KRT18: variants seen among roughly 807,000 people sequenced by gnomAD.
KRT18 encodes the protein keratin 18, also known as keratin, type I cytoskeletal 18.
In KRT18, 8 loss-of-function variants were observed where a neutral mutation model predicts 39.9. The ratio of observed to expected loss-of-function variants is 0.20; its 90% confidence interval spans 0.12 to 0.36. The LOEUF (loss-of-function observed/expected upper bound fraction) is 0.36, where lower values mean the gene tolerates loss of function less well. Ranked by LOEUF, KRT18 falls within the 10% of genes least tolerant of loss-of-function variation. KRT18 has a pLI of 1.00. For synonymous variants in KRT18, 194 were observed against 227.8 expected (o/e 0.85, Z 1.33); for missense variants, 396 against 565.7 (o/e 0.70, Z 3.04).
At chr12:52,950,186 A>G in intron 1 of KRT18, 142 bp from the exon 2 acceptor site, 2 of 758,768 alleles carry the variant, frequency 2.6e-6, no homozygotes. Flanking sequence ...CTAGATGAAA[A>G]GGGATAGGTG....
At chr12:52,950,675 T>C in intron 2 of KRT18, 75 bp from the exon 3 acceptor site, 1 of 1,491,996 alleles carries the variant, frequency 6.7e-7, no homozygotes, top group Non-Finnish European at 9.2e-7. Context: ...ACAGAACTTC[T>C]CTTAGTAGGT....
In KRT18 at chr12:52,952,778, C is replaced by A. The variant is rs780366176; in HGVS notation, c.1229C>A (p.Thr410Asn). 6.2e-7 allele frequency: 1 copy of A among 1,611,906 alleles called. No homozygotes were observed. The highest frequency in any genetic ancestry group is 2.2e-5 in the East Asian group (1 of 44,892). ...ATGCAAACCATCCAAAAGACCACCA[C>A]CCGCCGGATAGTGGATGGCAAAGTG... ...NSMQTIQKTT[T>N]RRIVDGKVVS... The change falls in exon 7 of 7, where the codon ACC (threonine) becomes AAC (asparagine). Residue 410 changes from threonine to asparagine, a missense_variant. Coordinates refer to ENST00000388835, the MANE Select transcript of KRT18 (RefSeq NM_000224.3).
chr12:52,951,802 G>A lies in KRT18; in HGVS notation c.894G>A (p.Glu298=). The A allele has an allele frequency of 6.2e-7, 1 of 1,611,372 alleles. No individual in the cohort carries two copies. Among genetic ancestry groups the A allele is most frequent in the East Asian group, 2.2e-5 (1 of 44,870 alleles). The change falls in exon 5 of 7, where the codon GAG becomes GAA. Residue 298 remains glutamate, a synonymous_variant. Transcript: ENST00000388835. ...EVGAAETTLT[E]LRRTVQSLEI... is the part of the protein sequence containing the mutation. ...GAGCTGCTGAGACGACGCTCACAGAGCTGAGACGTACAGTCCAGTCCTTGG... is the reference window on the plus strand; with the variant it reads ...GAGCTGCTGAGACGACGCTCACAGAACTGAGACGTACAGTCCAGTCCTTGG...
chr12:52,950,877 C>A lies in KRT18; in HGVS notation c.628C>A (p.Leu210Met). 2 of 1,591,620 alleles carry A rather than the reference C, an allele frequency of 1.3e-6. No homozygotes were observed. Among genetic ancestry groups the A allele is most frequent in the Non-Finnish European group, 1.7e-6 (2 of 1,169,776 alleles). The change falls in exon 3 of 7, where the codon CTG (leucine) becomes ATG (methionine). Residue 210 changes from leucine to methionine, a missense_variant. Coordinates refer to ENST00000388835, the MANE Select transcript of KRT18 (RefSeq NM_000224.3). ...AGAGATCGAGGCTCTCAAGGAGGAG[C>A]TGCTCTTCATGAAGAAGAACCACGA... ...ETEIEALKEE[L>M]LFMKKNHEEE...
intron 6 of KRT18, 160 bp from the exon 7 acceptor site, chr12:52,952,562 G>A (rs1942510007): frequency 1.2e-6 from 1 of 860,980 alleles, no homozygotes. Context: ...TACTTAGTAT[G>A]CAAATGAAGT....
chr12:52,951,767 G>A lies in KRT18; in HGVS notation c.859G>A (p.Ala287Thr). The change falls in exon 5 of 7, where the codon GCT (alanine) becomes ACT (threonine). Residue 287 changes from alanine (A) to threonine (T), a missense_variant. Physicochemically the swap from Ala to Thr is moderately conservative, Grantham distance 58. Coordinates refer to ENST00000388835, the MANE Select transcript of KRT18 (RefSeq NM_000224.3). ...ESTTVVTTQS[A>T]EVGAAETTLT... Reference sequence around the variant, plus strand: ...CACCACAGTGGTCACCACACAGTCTGCTGAGGTTGGAGCTGCTGAGACGAC... The same window carrying A: ...CACCACAGTGGTCACCACACAGTCTACTGAGGTTGGAGCTGCTGAGACGAC... The A allele has an allele frequency of 6.2e-7, 1 of 1,613,266 alleles. No individual in the cohort carries two copies. The highest frequency in any genetic ancestry group is 8.5e-7 in the Non-Finnish European group (1 of 1,180,010).
chr12:52,951,578 T>A lies in KRT18; in HGVS notation c.755T>A (p.Ile252Asn). 6.2e-7 allele frequency: 1 copy of A among 1,613,956 alleles called. No homozygotes were observed. The highest frequency in any genetic ancestry group is 8.5e-7 in the Non-Finnish European group (1 of 1,180,026). ...GACCTCGCCAAGATCATGGCAGACA[T>A]CCGGGCCCAATATGACGAGCTGGCT... ...SQDLAKIMAD[I>N]RAQYDELARK... The change falls in exon 4 of 7, where the codon ATC becomes AAC. Residue 252 changes from isoleucine to asparagine, a missense_variant. Transcript: ENST00000388835.
At position 52,952,759 on chromosome 12, in the gene KRT18, A is replaced by T; in HGVS notation, c.1210A>T (p.Thr404Ser). 6.2e-7 allele frequency: 1 copy of T among 1,613,164 alleles called. No individual in the cohort carries two copies. Among genetic ancestry groups the T allele is most frequent in the Non-Finnish European group, 8.5e-7 (1 of 1,179,930 alleles). Reference sequence around the variant, plus strand: ...CTTGGACAGCAGCAACTCCATGCAAACCATCCAAAAGACCACCACCCGCCG... The same window carrying T: ...CTTGGACAGCAGCAACTCCATGCAATCCATCCAAAAGACCACCACCCGCCG... ...DALDSSNSMQ[T>S]IQKTTTRRIV... The change falls in exon 7 of 7, where the codon ACC (threonine) becomes TCC (serine). Residue 404 changes from threonine (T) to serine (S), a missense_variant. Physicochemically the swap from Thr to Ser is moderately conservative, Grantham distance 58. Coordinates refer to ENST00000388835, the MANE Select transcript of KRT18 (RefSeq NM_000224.3).
At position 52,951,508 on chromosome 12, in the gene KRT18, G is replaced by C. The variant is rs1278862013; in HGVS notation, c.685G>C (p.Ala229Pro). 2 of 1,614,064 alleles carry C rather than the reference G, an allele frequency of 1.2e-6. No individual in the cohort carries two copies. Among genetic ancestry groups the C allele is most frequent in the Admixed American group, 3.3e-5 (2 of 60,014 alleles). ...EEVKGLQAQI[A>P]SSGLTVEVDA... ...AGTAAAAGGCCTACAAGCCCAGATT[G>C]CCAGCTCTGGGTTGACCGTGGAGGT... The change falls in exon 4 of 7, where the codon GCC (alanine) becomes CCC (proline). Residue 229 changes from alanine to proline, a missense_variant. Physicochemically the swap from Ala to Pro is conservative, Grantham distance 27. Coordinates refer to ENST00000388835, the MANE Select transcript of KRT18 (RefSeq NM_000224.3).
In KRT18 at chr12:52,952,706, T is replaced by C. The variant is rs1246813965; in HGVS notation, c.1173-16T>C. 1.9e-6 allele frequency: 3 copies of C among 1,611,738 alleles called. No homozygotes were observed. Among genetic ancestry groups the C allele is most frequent in the Non-Finnish European group, 1.7e-6 (2 of 1,179,962 alleles). ...CACGGGGCTGTTTATAACTTGGGCT[T>C]GGTCTTCTGTTACAGTCTTGGTGAT... On this transcript the variant is annotated splice_polypyrimidine_tract_variant and intron_variant, in intron 6 of 6. Coordinates refer to ENST00000388835, the MANE Select transcript of KRT18 (RefSeq NM_000224.3).
Position 52,952,341 on chromosome 12 carries a change from A to G in KRT18, c.1171A>G (p.Asn391Asp). The change falls in exon 6 of 7, where the codon AAT becomes GAT. Residue 391 changes from asparagine (N) to aspartate (D), a missense_variant and splice_region_variant. Physicochemically the swap from Asn to Asp is conservative, Grantham distance 23. Coordinates refer to ENST00000388835, the MANE Select transcript of KRT18 (RefSeq NM_000224.3). Reference sequence around the variant, plus strand: ...CCTGCTGGAAGATGGCGAGGACTTTAAGTGAGTGGGGCTCTCCTACCCACA... The same window carrying G: ...CCTGCTGGAAGATGGCGAGGACTTTGAGTGAGTGGGGCTCTCCTACCCACA... ...RRLLEDGEDF[N>D]LGDALDSSNS... 1 of 1,585,002 alleles carries G rather than the reference A, an allele frequency of 6.3e-7. No homozygotes were observed. The highest frequency in any genetic ancestry group is 2.2e-5 in the East Asian group (1 of 44,494).
In KRT18 at chr12:52,949,416, G is replaced by A. The variant is rs1942429076; in HGVS notation, c.243G>A (p.Lys81=). The change falls in exon 1 of 7, where the codon AAG becomes AAA. Residue 81 remains lysine (K), a synonymous_variant. Transcript: ENST00000388835. ...LAGMGGIQNE[K]ETMQSLNDRL... is the part of the protein sequence containing the mutation. ...GAATGGGAGGCATCCAGAACGAGAA[G>A]GAGACCATGCAAAGCCTGAACGACC... is the stretch of plus-strand genomic sequence containing the variant. 1.2e-6 allele frequency: 2 copies of A among 1,612,704 alleles called. No homozygotes were observed. The highest frequency in any genetic ancestry group is 1.7e-6 in the Non-Finnish European group (2 of 1,180,038).
chr12:52,950,659 A>G (rs1592194186), intron 2 of KRT18, 91 bp from the exon 3 acceptor site: 5 of 1,386,444 alleles, frequency 3.6e-6, no homozygotes, highest in Admixed American at 2.0e-5. Context: ...CTGGTTTGCA[A>G]TGGGCACAGA....
Position 52,950,876 on chromosome 12 carries a change from G to A in KRT18, c.627G>A (p.Glu209=), listed in dbSNP as rs953857126. 1 of 1,592,340 alleles carries A rather than the reference G, an allele frequency of 6.3e-7. No homozygotes were observed. The highest frequency in any genetic ancestry group is 1.3e-5 in the African/African-American group (1 of 74,724). ...CAGAGATCGAGGCTCTCAAGGAGGA[G>A]CTGCTCTTCATGAAGAAGAACCACG... ...LETEIEALKE[E]LLFMKKNHEE... is the part of the protein sequence containing the mutation. Residue 209 remains glutamate, a synonymous_variant, in exon 3 of 7, where the codon GAG becomes GAA. Transcript: ENST00000388835.
intron 6 of KRT18, 100 bp downstream of exon 6, chr12:52,952,442 T>C: frequency 1.1e-6 from 1 of 883,358 alleles, no homozygotes; most frequent in Middle Eastern, 2.1e-4. Context: ...TTCACTGGTA[T>C]CCACTGAGCA....
intron 1 of KRT18, 103 bp downstream of exon 1, chr12:52,949,693 A>C: frequency 2.9e-6 from 3 of 1,042,464 alleles, no homozygotes; most frequent in Non-Finnish European, 4.4e-6. Flanking sequence ...CCCCTACTCC[A>C]CCGGGAGGGG....
rs571098065 is a variant in KRT18, at chr12:52,951,980, C to T, written c.948+124C>T. 82 of 1,384,628 alleles carry T rather than the reference C, an allele frequency of 5.9e-5. 1 individual carries two copies. In the South Asian group the frequency reaches 8.7e-4, roughly 15 times the overall value. 85.8% of individuals were successfully genotyped at this position (1,384,628 alleles called of 1,614,324 possible). A position where few individuals can be genotyped will look rare whatever the true frequency, so the allele number is the denominator to read the frequency against. On this transcript the variant is annotated intron_variant, in intron 5 of 6. Transcript: ENST00000388835. ...TTAGCTCAGAAAGAGTCAGTTTCCTCTTTGCATTTCCCTCCACTCCTATCC... is the reference window on the plus strand; with the variant it reads ...TTAGCTCAGAAAGAGTCAGTTTCCTTTTTGCATTTCCCTCCACTCCTATCC...
intron 6 of KRT18, 25 bp downstream of exon 6, chr12:52,952,367 C>T (rs780438689): frequency 2.8e-5 from 41 of 1,448,268 alleles, no homozygotes; most frequent in African/African-American, 5.6e-5. Context: ...CCTACCCACA[C>T]GTGCTGGGAT....
At chr12:52,950,948 A>C in intron 3 of KRT18, 42 bp downstream of exon 3, 1 of 1,540,778 alleles carries the variant, frequency 6.5e-7, no homozygotes, top group Non-Finnish European at 8.7e-7. Context: ...TGAGGGGCCA[A>C]GAGAAGTCTG....
Sources: allele counts gnomAD v4.1 joint callset, GRCh38; gene constraint gnomAD v4.1.1; transcripts MANE v1.5; gene names NCBI Gene and HGNC (gene_info 2026-07-23, HGNC 2026-07-21).